Variants in POLA2 observed in about 807,000 individuals in gnomAD.
The protein encoded by POLA2 is DNA polymerase alpha 2, accessory subunit.
In POLA2, 47 loss-of-function variants were observed where a neutral mutation model predicts 82.8. The observed-to-expected ratio is 0.57, with a 90% CI of 0.45 to 0.72. The LOEUF is 0.72. Among genes scored for constraint, POLA2 ranks in the 30% least tolerant of loss-of-function variants. The probability of loss-of-function intolerance (pLI) is 0.00; values close to 1 mark genes in which losing one functional copy is unlikely to be tolerated. For synonymous variants in POLA2, 287 were observed against 286.8 expected (o/e 1.00, Z -0.01); for missense variants, 634 against 728.1 (o/e 0.87, Z 1.49).
rs138892965 is a variant in POLA2 at position 65,295,780 on chromosome 11, C to T, written c.1521-84C>T. 10,620 of 1,524,698 alleles carry T rather than the reference C, an allele frequency of 7.0e-3. 56 individuals are homozygous for T. The highest frequency in any genetic ancestry group is 8.7e-3 in the Non-Finnish European group (9,638 of 1,108,488). 94.4% of individuals were successfully genotyped at this position (1,524,698 alleles called of 1,614,324 possible). On this transcript the variant is annotated intron_variant, in intron 16 of 17. Transcript: ENST00000265465. ...AGTCGGTCTGTGGATGCCAGCAGCACGAAAGCCAGTACCTAGGGGGACTCT... is the reference window on the plus strand; with the variant it reads ...AGTCGGTCTGTGGATGCCAGCAGCATGAAAGCCAGTACCTAGGGGGACTCT...
rs144309673 is a variant in POLA2, at chr11:65,264,711, C to A, written c.80-1871C>A. 7.0e-3 allele frequency among the ~76,000 whole-genome samples: 1,066 copies of A among 152,336 alleles called. 16 individuals are homozygous for A. Among genetic ancestry groups the A allele is most frequent in the African/African-American group, 0.025 (1,024 of 41,578 alleles). Reference sequence around the variant, plus strand: ...TTTCCTATTATAATGAATAAGCTTTCCGTATTCCTAGCAAAATCCAAGTCC... The same window carrying A: ...TTTCCTATTATAATGAATAAGCTTTACGTATTCCTAGCAAAATCCAAGTCC... On this transcript the variant is annotated intron_variant, in intron 1 of 17. Coordinates refer to ENST00000265465, the MANE Select transcript of POLA2 (RefSeq NM_002689.4).
intron 12 of POLA2, 71 bp from the exon 13 acceptor site, chr11:65,289,728 T>C (rs1949734407): frequency 8.0e-6 from 8 of 1,000,084 alleles, no homozygotes; most frequent in Non-Finnish European, 1.3e-5. Flanking sequence ...ATGGGTCACC[T>C]AACAATGTTA....
At chr11:65,303,636 G>T (rs568102032), downstream of POLA2, among the ~76,000 whole-genome samples, 1 of 152,292 alleles carries the variant, frequency 6.6e-6, no homozygotes, top group South Asian at 2.1e-4. Flanking sequence ...CACCTCCTTG[G>T]GAGGCAGGCT....
intron 13 of POLA2, among the ~76,000 whole-genome samples, chr11:65,291,711 C>G (rs568465402): frequency 2.0e-5 from 3 of 152,104 alleles, no homozygotes; most frequent in Non-Finnish European, 2.9e-5. Context: ...GGTTCCTTAC[C>G]CCGTGTGGTA....
Position 65,262,105 on chromosome 11 carries a change from C to A in POLA2, c.-188C>A. 1.7e-6 allele frequency: 1 copy of A among 576,556 alleles called. No individual in the cohort carries two copies. The allele number at this position is 576,556 out of a possible 1,614,324, so 35.7% of individuals were successfully genotyped here. ...CCTTCATTTTTTAAAAAAAGTATTT[C>A]TCTGTGACCGACGGCCGGGGCCTTC... On this transcript the variant is annotated 5_prime_UTR_variant, in exon 1 of 18. Coordinates refer to ENST00000265465, the MANE Select transcript of POLA2 (RefSeq NM_002689.4).
At chr11:65,265,240 G>GGC (rs894235251) in intron 1 of POLA2, among the ~76,000 whole-genome samples, 1 of 151,090 alleles carries the variant, frequency 6.6e-6, no homozygotes, top group East Asian at 1.9e-4. Context: ...AAAAAAAAAG[G>GGC]GGGGGGGCCT....
intron 3 of POLA2, among the ~76,000 whole-genome samples, chr11:65,268,247 C>T (rs900127284): frequency 2.0e-4 from 30 of 151,994 alleles, no homozygotes; most frequent in Admixed American, 3.3e-4. Flanking sequence ...CCATCCTGGA[C>T]GACGAGGAAA....
chr11:65,264,015 C>A (rs1484827198), intron 1 of POLA2, among the ~76,000 whole-genome samples: 1 of 152,196 alleles, frequency 6.6e-6, no homozygotes, highest in Non-Finnish European at 1.5e-5. Context: ...TCAGTAACTT[C>A]AGTGGCACCT....
Position 65,262,145 on chromosome 11 carries a change from C to G in POLA2, c.-148C>G. 1.6e-6 allele frequency: 1 copy of G among 636,752 alleles called. No individual in the cohort carries two copies. Among genetic ancestry groups the G allele is most frequent in the Non-Finnish European group, 2.8e-6 (1 of 355,286 alleles). 39.4% of individuals were successfully genotyped at this position (636,752 alleles called of 1,614,324 possible). Reference sequence around the variant, plus strand: ...CCGGGGCCTTCTGACGGTCTGAGGTCTTGCTTGGGCCAGTCACCTCCTGTC... The same window carrying G: ...CCGGGGCCTTCTGACGGTCTGAGGTGTTGCTTGGGCCAGTCACCTCCTGTC... On this transcript the variant is annotated 5_prime_UTR_variant, in exon 1 of 18. Transcript: ENST00000265465.
At chr11:65,281,264 G>A in intron 8 of POLA2, 117 bp downstream of exon 8, 2 of 1,077,502 alleles carry the variant, frequency 1.9e-6, no homozygotes, top group South Asian at 1.5e-5. Flanking sequence ...GGGTGCAGCT[G>A]GAGCACATGC....
chr11:65,281,854 T>G, intron 9 of POLA2, 122 bp downstream of exon 9: 1 of 799,734 alleles, frequency 1.3e-6, no homozygotes, highest in Non-Finnish European at 2.2e-6. Flanking sequence ...GTTCTCCATC[T>G]GTAAGTGGGA....
At chr11:65,265,912 C>T (rs564619384) in intron 1 of POLA2, among the ~76,000 whole-genome samples, 3 of 152,290 alleles carry the variant, frequency 2.0e-5, no homozygotes, top group African/African-American at 7.2e-5. Flanking sequence ...ACTCCCTTGG[C>T]GATCTCACCT....
chr11:65,289,819 A>C lies in POLA2; in HGVS notation c.1191A>C (p.Pro397=). ...EQVENCLLTS[P]FEDIFKQCLR... ...TGCAGAATTGTCTACTGACAAGTCC[A>C]TTTGAAGACATTTTCAAGCAGTGTC... The change falls in exon 13 of 18, where the codon CCA becomes CCC. Residue 397 remains proline, a synonymous_variant. Coordinates refer to ENST00000265465, the MANE Select transcript of POLA2 (RefSeq NM_002689.4). The C allele has an allele frequency of 6.2e-7, 1 of 1,610,800 alleles. No individual in the cohort carries two copies. Among genetic ancestry groups the C allele is most frequent in the Non-Finnish European group, 8.5e-7 (1 of 1,177,024 alleles).
At chr11:65,263,080 G>T (rs1262117042) in intron 1 of POLA2, among the ~76,000 whole-genome samples, 1 of 152,088 alleles carries the variant, frequency 6.6e-6, no homozygotes, top group Admixed American at 6.6e-5. Flanking sequence ...GAATCGGTAT[G>T]AATGTGCACC....
chr11:65,291,018 T>G (rs188064499), intron 13 of POLA2, among the ~76,000 whole-genome samples: 1 of 152,362 alleles, frequency 6.6e-6, no homozygotes, highest in East Asian at 1.9e-4. Context: ...ATGAGAGAGC[T>G]GTGCAGTTCT....
downstream of POLA2, among the ~76,000 whole-genome samples, chr11:65,302,379 C>T (rs1230777633): frequency 1.3e-5 from 2 of 152,178 alleles, no homozygotes; most frequent in African/African-American, 2.4e-5. Context: ...CACCTGCCTC[C>T]GTCAGGCAGG....
Position 65,297,229 on chromosome 11 carries a change from G to A in POLA2, c.1757G>A (p.Arg586Lys). The A allele has an allele frequency of 6.2e-7, 1 of 1,613,546 alleles. No individual in the cohort carries two copies. The highest frequency in any genetic ancestry group is 8.5e-7 in the Non-Finnish European group (1 of 1,179,772). ...LRRPAADGAERQSPCIAVQVV... is the reference protein window; with the variant it reads ...LRRPAADGAEKQSPCIAVQVV... ...AGGCCGGCAGCGGACGGGGCAGAGA[G>A]GCAGAGCCCATGCATTGCTGTGCAG... The change falls in exon 18 of 18, where the codon AGG becomes AAG. Residue 586 changes from arginine (R) to lysine (K), a missense_variant. Transcript: ENST00000265465.
intron 1 of POLA2, among the ~76,000 whole-genome samples, chr11:65,263,220 C>CTTTTTT (rs547474910): frequency 2.4e-5 from 3 of 123,196 alleles, no homozygotes; most frequent in Non-Finnish European, 3.3e-5. Context: ...CTCTCTCTCT[C>CTTTTTT]TTTTTTTTTT....
chr11:65,281,033 C>G lies in POLA2; in HGVS notation c.786C>G (p.Asn262Lys), dbSNP rs200645119. The G allele has an allele frequency of 3.7e-6, 6 of 1,614,000 alleles. No individual in the cohort carries two copies. The highest frequency in any genetic ancestry group is 3.4e-6 in the Non-Finnish European group (4 of 1,179,996). Reference protein sequence around the residue: ...TLLGQIGCDSNGKLNNKSVIL... With the variant: ...TLLGQIGCDSKGKLNNKSVIL... ...TGGGCCAGATTGGCTGTGATAGCAA[C>G]GGGAAGCTGAACAACAAGTCAGTGA... The change falls in exon 8 of 18, where the codon AAC (asparagine) becomes AAG (lysine). Residue 262 changes from asparagine (N) to lysine (K), a missense_variant. Coordinates refer to ENST00000265465, the MANE Select transcript of POLA2 (RefSeq NM_002689.4).
Sources: allele counts gnomAD v4.1 joint callset (sites outside exome capture counted in the v4.1 genomes callset), GRCh38; gene constraint gnomAD v4.1.1; transcripts MANE v1.5; gene names NCBI Gene and HGNC (gene_info 2026-07-23, HGNC 2026-07-21).